HDAC4: variants seen among roughly 807,000 people sequenced by gnomAD.
The protein encoded by HDAC4 is histone deacetylase 4.
In HDAC4, 16 loss-of-function variants were observed where a neutral mutation model predicts 135.1. That is an observed-to-expected ratio of 0.12 (90% CI 0.08 to 0.18). The LOEUF is 0.18. HDAC4 is among the 10% of genes least tolerant of loss of function. The probability of loss-of-function intolerance (pLI) is 1.00; values close to 1 mark genes in which losing one functional copy is unlikely to be tolerated. For missense variants in HDAC4, 1,143 were observed against 1,511.8 expected, an observed-to-expected ratio of 0.76 and a Z score of 4.05; for synonymous variants, 685 against 653.4, an observed-to-expected ratio of 1.05 and a Z score of -0.74.
chr2:239,216,873 A>C (rs1216917357), intron 3 of HDAC4, among the ~76,000 whole-genome samples: 1 of 152,222 alleles, frequency 6.6e-6, no homozygotes, highest in Non-Finnish European at 1.5e-5. Context: ...GTGCACAGGA[A>C]GGAAGCTCTG....
intron 1 of HDAC4, among the ~76,000 whole-genome samples, chr2:239,383,713 G>T (rs1040097781): frequency 3.3e-5 from 5 of 152,224 alleles, no homozygotes; most frequent in South Asian, 2.1e-4. Context: ...GGCGTGGGGT[G>T]GGGGGCAGGG....
intron 2 of HDAC4, among the ~76,000 whole-genome samples, chr2:239,351,313 T>C (rs1390668035): frequency 6.6e-6 from 1 of 152,188 alleles, no homozygotes; most frequent in Non-Finnish European, 1.5e-5. Context: ...CAAGTTATAT[T>C]TGCACACATA....
intron 1 of HDAC4, among the ~76,000 whole-genome samples, chr2:239,376,667 T>C (rs1695034020): frequency 6.6e-6 from 1 of 152,208 alleles, no homozygotes; most frequent in South Asian, 2.1e-4. Context: ...GGACGCCTAG[T>C]TTTTTGTTAG....
chr2:239,070,489 G>A lies in HDAC4; in HGVS notation c.2751-1882C>T, dbSNP rs189214464. On this transcript the variant is annotated intron_variant, in intron 22 of 26. Coordinates refer to ENST00000543185, the MANE Select transcript of HDAC4 (RefSeq NM_001378414.1). ...CCATGCGTATGCTATGAATCCATAT[G>A]TGTGCTCTCCGTGAGTAGGGAAGTT... 1.9e-3 allele frequency among the ~76,000 whole-genome samples: 296 copies of A among 152,378 alleles called. 1 individual carries two copies. The highest frequency in any genetic ancestry group is 3.4e-3 in the Middle Eastern group (1 of 294).
At chr2:239,318,003 C>T (rs2053175207) in intron 2 of HDAC4, among the ~76,000 whole-genome samples, 1 of 151,846 alleles carries the variant, frequency 6.6e-6, no homozygotes, top group Admixed American at 6.6e-5. Context: ...TTAATGAGGG[C>T]TTCCCGTCCT....
intron 4 of HDAC4, among the ~76,000 whole-genome samples, chr2:239,180,327 G>A (rs775327458): frequency 6.6e-6 from 1 of 152,120 alleles, no homozygotes. Context: ...TGCAGGGGAT[G>A]AGGAATGGCC....
At chr2:239,097,451 C>T (rs186742384) in intron 16 of HDAC4, among the ~76,000 whole-genome samples, 300 of 152,352 alleles carry the variant, frequency 2.0e-3, no homozygotes, top group Non-Finnish European at 2.5e-3. Flanking sequence ...CCCTGGTTCC[C>T]GTGTCCACAT....
intron 23 of HDAC4, among the ~76,000 whole-genome samples, chr2:239,067,324 C>T (rs1211958300): frequency 2.6e-5 from 4 of 152,280 alleles, no homozygotes; most frequent in South Asian, 2.1e-4. Flanking sequence ...GCCACAGTCC[C>T]GCCACTGCAC....
chr2:239,231,428 G>A lies in HDAC4; in HGVS notation c.94+5165C>T, dbSNP rs192677452. 1.2e-3 allele frequency among the ~76,000 whole-genome samples: 176 copies of A among 150,256 alleles called. No homozygotes were observed. The Middle Eastern group carries it at 0.024, about 20-fold the overall frequency. On this transcript the variant is annotated intron_variant, in intron 3 of 26. Coordinates refer to ENST00000543185, the MANE Select transcript of HDAC4 (RefSeq NM_001378414.1). ...TGAGCGACCCTGGGACAGCGGCCAC[G>A]GGATCTGAGGCTCTGGCTTTCCTTC... is the stretch of plus-strand genomic sequence containing the variant.
rs2052592933 is a variant in HDAC4, at chr2:239,306,531, C to A, written c.22+46147G>T. Among the ~76,000 whole-genome samples the A allele has an allele frequency of 6.6e-6, 1 of 152,164 alleles. No homozygotes were observed. Among genetic ancestry groups the A allele is most frequent in the Non-Finnish European group, 1.5e-5 (1 of 68,026 alleles). On this transcript the variant is annotated intron_variant, in intron 2 of 26. Coordinates refer to ENST00000543185, the MANE Select transcript of HDAC4 (RefSeq NM_001378414.1). The surrounding 1 kb of genome is among the most constrained non-coding windows in gnomAD (Gnocchi z 4.5). ...CCATCAAATCATCTGGGCCCCGACA[C>A]ACTTGTTTCGTACCTTTCCCGGTCA...
At chr2:239,328,420 G>A (rs372228680) in intron 2 of HDAC4, among the ~76,000 whole-genome samples, 57 of 152,360 alleles carry the variant, frequency 3.7e-4, no homozygotes, top group African/African-American at 1.2e-3. Context: ...AAGGCATTCT[G>A]TCCTTGAGAT....
chr2:239,207,228 G>A (rs1245309761), intron 3 of HDAC4, among the ~76,000 whole-genome samples: 1 of 152,084 alleles, frequency 6.6e-6, no homozygotes, highest in Non-Finnish European at 1.5e-5. Flanking sequence ...ACAAAATCTT[G>A]TAAGATTCTG....
At chr2:239,324,315 G>A (rs972790353) in intron 2 of HDAC4, among the ~76,000 whole-genome samples, 4 of 152,186 alleles carry the variant, frequency 2.6e-5, no homozygotes, top group Non-Finnish European at 4.4e-5. Flanking sequence ...TCACCAGTGC[G>A]AACTTAACAT....
At chr2:239,216,316 A>G (rs190678719) in intron 3 of HDAC4, among the ~76,000 whole-genome samples, 144 of 148,450 alleles carry the variant, frequency 9.7e-4, no homozygotes, top group African/African-American at 2.0e-3. Flanking sequence ...CTTCCCAGAG[A>G]AAAAAAAAAA....
intron 2 of HDAC4, among the ~76,000 whole-genome samples, chr2:239,345,684 C>A (rs1692577941): frequency 2.0e-5 from 3 of 151,264 alleles, no homozygotes; most frequent in Non-Finnish European, 4.4e-5. Flanking sequence ...AACACACACA[C>A]CCATCTCACA....
intron 1 of HDAC4, among the ~76,000 whole-genome samples, chr2:239,369,708 G>A (rs1218605952): frequency 2.0e-5 from 3 of 152,146 alleles, no homozygotes; most frequent in Non-Finnish European, 2.9e-5. Context: ...ACAGCGCCTC[G>A]GAAGCCAGGT....
intron 7 of HDAC4, among the ~76,000 whole-genome samples, chr2:239,150,620 G>A (rs567784079): frequency 7.2e-6 from 1 of 138,198 alleles, no homozygotes; most frequent in African/African-American, 2.7e-5. Flanking sequence ...TGCACCTCCT[G>A]AAGTATGTAC....
At chr2:239,162,426 C>T (rs879069752) in intron 6 of HDAC4, 20 of 439,288 alleles carry the variant, frequency 4.6e-5, no homozygotes, top group South Asian at 3.0e-4. Context: ...TCCCTTGCTC[C>T]TTCTGCCCTG....
intron 24 of HDAC4, among the ~76,000 whole-genome samples, chr2:239,061,548 C>A (rs2106514157): frequency 6.6e-6 from 1 of 151,538 alleles, no homozygotes; most frequent in South Asian, 2.1e-4. Context: ...TGTGCATGAG[C>A]AAGGATGCAC....
Sources: gnomAD v4.1 joint callset for allele counts (sites outside exome capture counted in the v4.1 genomes callset) on GRCh38, gnomAD v4.1.1 for gene constraint, Gnocchi (gnomAD v3.1) non-coding constraint, MANE v1.5 for transcripts, NCBI Gene and HGNC (gene_info 2026-07-23, HGNC 2026-07-21) for gene names.